CNTNAP2: variants seen among roughly 807,000 people sequenced by gnomAD.
CNTNAP2 encodes the protein contactin-associated protein-like 2.
A neutral mutation model predicts 155.2 loss-of-function variants in CNTNAP2; 98 were observed. The ratio of observed to expected loss-of-function variants is 0.63; its 90% CI spans 0.54 to 0.75. The LOEUF (loss-of-function observed/expected upper bound fraction) is 0.75, where lower values mean the gene tolerates loss of function less well. Ranked by LOEUF, CNTNAP2 falls within the 30% of genes least tolerant of loss-of-function variation. The pLI is 0.00. For missense variants in CNTNAP2, 1,727 were observed against 1,688.1 expected (o/e 1.02, Z -0.40); for synonymous variants, 651 against 631.2 (o/e 1.03, Z -0.47).
At chr7:146,195,797 C>A (rs1486431477) in intron 1 of CNTNAP2, among the ~76,000 whole-genome samples, 1 of 152,204 alleles carries the variant, frequency 6.6e-6, no homozygotes, top group Non-Finnish European at 1.5e-5. Context: ...CCTTTGCCTA[C>A]AACGCACGCC....
chr7:146,731,036 T>C (rs1801516888), intron 1 of CNTNAP2, among the ~76,000 whole-genome samples: 1 of 152,172 alleles, frequency 6.6e-6, no homozygotes, highest in Admixed American at 6.5e-5. Context: ...TTGAGGTGAT[T>C]TAAGAGGCCA....
At chr7:147,010,485 G>T (rs1045236470) in intron 3 of CNTNAP2, among the ~76,000 whole-genome samples, 2 of 152,032 alleles carry the variant, frequency 1.3e-5, no homozygotes, top group Admixed American at 1.3e-4. Context: ...ATATCTATTT[G>T]TGCCAGAAAG....
chr7:147,981,853 G>T (rs965598018), intron 15 of CNTNAP2, among the ~76,000 whole-genome samples: 2 of 147,332 alleles, frequency 1.4e-5, no homozygotes, highest in Non-Finnish European at 3.0e-5. Context: ...TTTTTGCAAA[G>T]CCTATCCAAA....
intron 21 of CNTNAP2, among the ~76,000 whole-genome samples, chr7:148,353,132 T>C (rs1298401424): frequency 6.6e-6 from 1 of 152,204 alleles, no homozygotes; most frequent in Non-Finnish European, 1.5e-5. Context: ...TGCTCCAAGG[T>C]CAACAGGCGG....
At chr7:148,141,082 C>T (rs918008767) in intron 16 of CNTNAP2, among the ~76,000 whole-genome samples, 1 of 152,214 alleles carries the variant, frequency 6.6e-6, no homozygotes, top group African/African-American at 2.4e-5. Context: ...AGCCCCACCC[C>T]AAACCTACTG....
At position 148,021,564 on chromosome 7, in the gene CNTNAP2, G is replaced by T. The variant is rs796941658; in HGVS notation, c.2383+43575G>T. On this transcript the variant is annotated intron_variant, in intron 15 of 23. Coordinates refer to ENST00000361727, the MANE Select transcript of CNTNAP2 (RefSeq NM_014141.6). ...CACCTGACTTGTGGGAGAACGGAAGGCCTCGTGTTCATTCAATGGATCAAC... is the reference window on the plus strand; with the variant it reads ...CACCTGACTTGTGGGAGAACGGAAGTCCTCGTGTTCATTCAATGGATCAAC... 5.1e-4 allele frequency among the ~76,000 whole-genome samples: 77 copies of T among 152,310 alleles called. 1 individual carries two copies. The highest frequency in any genetic ancestry group is 1.8e-3 in the African/African-American group (75 of 41,562).
chr7:147,862,143 G>A (rs949723619), intron 13 of CNTNAP2, among the ~76,000 whole-genome samples: 5 of 151,894 alleles, frequency 3.3e-5, no homozygotes, highest in South Asian at 2.1e-4. Flanking sequence ...TTTGAAAACC[G>A]ACCACATCCT....
intron 1 of CNTNAP2, among the ~76,000 whole-genome samples, chr7:146,466,932 G>T (rs534957495): frequency 2.4e-4 from 37 of 152,082 alleles, no homozygotes; most frequent in South Asian, 1.0e-3. Context: ...AAATTAATAT[G>T]GTTTACACAT....
intron 3 of CNTNAP2, among the ~76,000 whole-genome samples, chr7:146,975,042 A>G (rs1357706): frequency 0.039 from 5,981 of 152,294 alleles, 138 homozygotes; most frequent in Middle Eastern, 0.082. Flanking sequence ...ACTTCTATTA[A>G]TTTAATATTT....
At chr7:146,259,914 A>G (rs1426141434) in intron 1 of CNTNAP2, among the ~76,000 whole-genome samples, 1 of 152,204 alleles carries the variant, frequency 6.6e-6, no homozygotes, top group East Asian at 1.9e-4. Flanking sequence ...CACATCAGAG[A>G]TCTTGACAGC....
intron 21 of CNTNAP2, among the ~76,000 whole-genome samples, chr7:148,352,800 C>T (rs1407073851): frequency 1.3e-4 from 20 of 152,214 alleles, no homozygotes; most frequent in African/African-American, 4.6e-4. Flanking sequence ...TCTCACCATG[C>T]ACCGTGAGGG....
At chr7:146,948,945 A>G (rs1797250129) in intron 3 of CNTNAP2, among the ~76,000 whole-genome samples, 1 of 152,178 alleles carries the variant, frequency 6.6e-6, no homozygotes. Flanking sequence ...ACTAGGCTTT[A>G]GGGGAAGTGT....
chr7:146,424,094 C>T (rs1796052893), intron 1 of CNTNAP2, among the ~76,000 whole-genome samples: 1 of 152,034 alleles, frequency 6.6e-6, no homozygotes, highest in South Asian at 2.1e-4. Context: ...TCATAATGCT[C>T]CCAATTTATG....
rs188053376 is a variant in CNTNAP2 at position 147,186,619 on chromosome 7, T to A, written c.1348+54110T>A. ...GGAGTAGGAGGTGCTGAGAGAGCTA[T>A]GTAAAAAGTACACACTGGAGAGTGG... On this transcript the variant is annotated intron_variant, in intron 8 of 23. Coordinates refer to ENST00000361727, the MANE Select transcript of CNTNAP2 (RefSeq NM_014141.6). Among the ~76,000 whole-genome samples, 544 of 152,270 alleles carry A rather than the reference T, an allele frequency of 3.6e-3. 3 individuals carry two copies. The highest frequency in any genetic ancestry group is 0.013 in the African/African-American group (527 of 41,566).
intron 15 of CNTNAP2, among the ~76,000 whole-genome samples, chr7:147,986,783 C>T (rs534229454): frequency 6.1e-4 from 93 of 152,046 alleles, no homozygotes; most frequent in Non-Finnish European, 1.1e-3. Context: ...GATCAATCAT[C>T]TGGAAATCTT....
chr7:146,735,285 G>A (rs1193634646), intron 1 of CNTNAP2, among the ~76,000 whole-genome samples: 2 of 152,194 alleles, frequency 1.3e-5, no homozygotes, highest in African/African-American at 2.4e-5. Context: ...AGGCACGGTG[G>A]CTCACGCCTG....
At chr7:146,654,315 C>T (rs1311810156) in intron 1 of CNTNAP2, among the ~76,000 whole-genome samples, 3 of 151,948 alleles carry the variant, frequency 2.0e-5, no homozygotes, top group African/African-American at 2.4e-5. Context: ...GCCTGGTATG[C>T]GTAGGTCACC....
At chr7:147,496,513 T>G (rs1476081925) in intron 11 of CNTNAP2, 1 of 152,224 alleles carries the variant, frequency 6.6e-6, no homozygotes, top group African/African-American at 2.4e-5. Flanking sequence ...ACTAAATTAC[T>G]TCTCAATTAT....
intron 12 of CNTNAP2, among the ~76,000 whole-genome samples, chr7:147,604,392 T>C (rs1372014963): frequency 6.6e-6 from 1 of 152,192 alleles, no homozygotes; most frequent in Non-Finnish European, 1.5e-5. Context: ...AAACAGTCTA[T>C]TGCAATTGTT....
Sources: allele counts gnomAD v4.1 joint callset (sites outside exome capture counted in the v4.1 genomes callset), GRCh38; gene constraint gnomAD v4.1.1; transcripts MANE v1.5; gene names NCBI Gene and HGNC (gene_info 2026-07-23, HGNC 2026-07-21).